The following ADK variants were observed in gnomAD, a reference collection of about 807,000 sequenced individuals.
The protein encoded by ADK is N6,N6-dimethyladenosine kinase.
Under a neutral mutation model 44.7 loss-of-function variants are expected in ADK, and 24 were observed. The ratio of observed to expected loss-of-function variants is 0.54; its 90% confidence interval spans 0.39 to 0.76. The LOEUF (loss-of-function observed/expected upper bound fraction) is 0.76, where lower values mean the gene tolerates loss of function less well. Ranked by LOEUF, ADK falls within the 30% of genes least tolerant of loss-of-function variation. ADK has a pLI of 0.00. For synonymous variants in ADK, 128 were observed against 142.6 expected, an observed-to-expected ratio of 0.90 and a Z score of 0.73; for missense variants, 321 against 425.1, an observed-to-expected ratio of 0.76 and a Z score of 2.15.
intron 6 of ADK, among the ~76,000 whole-genome samples, chr10:74,501,206 A>G (rs1390216250): frequency 6.6e-6 from 1 of 152,214 alleles, no homozygotes; most frequent in East Asian, 1.9e-4. Flanking sequence ...CTGGAGAAAA[A>G]TCACTGTTTT....
intron 7 of ADK, among the ~76,000 whole-genome samples, chr10:74,572,880 T>G (rs1266923031): frequency 6.6e-6 from 1 of 152,198 alleles, no homozygotes; most frequent in African/African-American, 2.4e-5. Flanking sequence ...TTCTCTATAT[T>G]GGTTATTCTA....
chr10:74,625,821 T>C (rs1160085493), intron 9 of ADK, among the ~76,000 whole-genome samples: 1 of 152,158 alleles, frequency 6.6e-6, no homozygotes, highest in Non-Finnish European at 1.5e-5. Flanking sequence ...GGCTAATGAA[T>C]TCAGTCATGG....
chr10:74,277,290 G>A (rs920834963), intron 3 of ADK, among the ~76,000 whole-genome samples: 1 of 152,160 alleles, frequency 6.6e-6, no homozygotes, highest in Non-Finnish European at 1.5e-5. Context: ...GAGCACTTAA[G>A]TCTATACATT....
chr10:74,284,427 G>C (rs1023665440), intron 3 of ADK, among the ~76,000 whole-genome samples: 1 of 152,046 alleles, frequency 6.6e-6, no homozygotes, highest in East Asian at 1.9e-4. Context: ...ACCATGCCCG[G>C]CTAATTTTGT....
At chr10:74,569,604 G>A (rs951140352) in intron 7 of ADK, among the ~76,000 whole-genome samples, 4 of 152,156 alleles carry the variant, frequency 2.6e-5, no homozygotes, top group East Asian at 1.9e-4. Flanking sequence ...CATATCCTTC[G>A]CCCACTTTTT....
chr10:74,675,272 C>T (rs979371649), intron 10 of ADK, among the ~76,000 whole-genome samples: 2 of 152,072 alleles, frequency 1.3e-5, no homozygotes, highest in African/African-American at 4.8e-5. Context: ...GTTCCTTTAG[C>T]CAGCTAAAAA....
rs759278303 is a variant in ADK at position 74,152,814 on chromosome 10, T to G, written c.65+1471T>G. 2.6e-5 allele frequency among the ~76,000 whole-genome samples: 4 copies of G among 152,284 alleles called. No individual in the cohort carries two copies. The East Asian group carries it at 7.7e-4, about 29-fold the overall frequency. On this transcript the variant is annotated intron_variant, in intron 1 of 10. Coordinates refer to ENST00000539909, the MANE Select transcript of ADK (RefSeq NM_006721.4). ...TGAGCATGTTTTCTTATACCTGCAG[T>G]CCTGGTGCTTTGTGAGGCTGTGGTG...
chr10:74,466,688 T>C (rs1367648966), intron 6 of ADK, among the ~76,000 whole-genome samples: 1 of 152,156 alleles, frequency 6.6e-6, no homozygotes, highest in African/African-American at 2.4e-5. Flanking sequence ...TTTTTGAGGT[T>C]GAGTGTAAAG....
At position 74,151,238 on chromosome 10, in the gene ADK, A is replaced by G. The variant is rs563047089; in HGVS notation, c.-41A>G. On this transcript the variant is annotated 5_prime_UTR_variant, in exon 1 of 11. Coordinates refer to ENST00000539909, the MANE Select transcript of ADK (RefSeq NM_006721.4). ...GGGGCGGGACCAGAGAGTGGATGGC[A>G]GAGGTGGGCTGTAGAGCCAAAGTGG... is the stretch of plus-strand genomic sequence containing the variant. The G allele has an allele frequency of 7.7e-4, 1,198 of 1,547,876 alleles. No homozygotes were observed. Among genetic ancestry groups the G allele is most frequent in the Admixed American group, 1.1e-3 (55 of 50,988 alleles).
At chr10:74,328,310 A>G (rs1841088860) in intron 4 of ADK, among the ~76,000 whole-genome samples, 2 of 152,166 alleles carry the variant, frequency 1.3e-5, no homozygotes, top group African/African-American at 2.4e-5. Context: ...TTTATCTTTA[A>G]TCTTCATATT....
At chr10:74,278,776 G>T (rs1020245531) in intron 3 of ADK, among the ~76,000 whole-genome samples, 4 of 152,124 alleles carry the variant, frequency 2.6e-5, no homozygotes, top group Non-Finnish European at 5.9e-5. Context: ...GGCCTCAAGC[G>T]ATCTTCCCGT....
intron 10 of ADK, among the ~76,000 whole-genome samples, chr10:74,699,039 C>T (rs377385971): frequency 9.5e-5 from 14 of 146,746 alleles, no homozygotes; most frequent in Middle Eastern, 3.5e-3. Context: ...TATGTAGAGA[C>T]GAGTCTCCCT....
At chr10:74,338,131 A>G (rs1841470560) in intron 4 of ADK, among the ~76,000 whole-genome samples, 1 of 151,754 alleles carries the variant, frequency 6.6e-6, no homozygotes, top group African/African-American at 2.4e-5. Context: ...AACAACAACA[A>G]CAACAAAAAC....
intron 6 of ADK, among the ~76,000 whole-genome samples, chr10:74,501,446 C>G (rs1847881367): frequency 6.6e-6 from 1 of 152,104 alleles, no homozygotes; most frequent in East Asian, 1.9e-4. Context: ...CAATTAGTTT[C>G]ATTTCTGGCT....
At chr10:74,636,769 T>C (rs1853634518) in intron 9 of ADK, among the ~76,000 whole-genome samples, 1 of 152,182 alleles carries the variant, frequency 6.6e-6, no homozygotes, top group African/African-American at 2.4e-5. Flanking sequence ...GTCTAAGACA[T>C]GCTTTAGATA....
At chr10:74,527,012 A>C (rs1384238910) in intron 7 of ADK, among the ~76,000 whole-genome samples, 1 of 152,218 alleles carries the variant, frequency 6.6e-6, no homozygotes, top group African/African-American at 2.4e-5. Flanking sequence ...GCAGCACTTA[A>C]ATAAGTTCTC....
At chr10:74,693,287 G>C (rs1463759269) in intron 10 of ADK, among the ~76,000 whole-genome samples, 1 of 152,122 alleles carries the variant, frequency 6.6e-6, no homozygotes, top group Non-Finnish European at 1.5e-5. Flanking sequence ...TGTATTTTCT[G>C]CTTCATTGTT....
At chr10:74,637,056 G>A (rs1853643127) in intron 9 of ADK, among the ~76,000 whole-genome samples, 1 of 152,144 alleles carries the variant, frequency 6.6e-6, no homozygotes, top group African/African-American at 2.4e-5. Flanking sequence ...AGACAAGGAT[G>A]ACCTTAATAT....
In ADK at chr10:74,579,569, C is replaced by A. The variant is rs139219163; in HGVS notation, c.727-9713C>A. On this transcript the variant is annotated intron_variant, in intron 7 of 10. Transcript: ENST00000539909. Reference sequence around the variant, plus strand: ...ATGAATGAGGCATCCCTACAATTTCCATAGCATTCTGCCTAGATAGCTTCC... The same window carrying A: ...ATGAATGAGGCATCCCTACAATTTCAATAGCATTCTGCCTAGATAGCTTCC... 1.8e-3 allele frequency among the ~76,000 whole-genome samples: 272 copies of A among 152,280 alleles called. 1 individual carries two copies. The highest frequency in any genetic ancestry group is 6.0e-3 in the African/African-American group (250 of 41,560).
Sources: gnomAD v4.1 joint callset for allele counts (sites outside exome capture counted in the v4.1 genomes callset) on GRCh38, gnomAD v4.1.1 for gene constraint, MANE v1.5 for transcripts, NCBI Gene and HGNC (gene_info 2026-07-23, HGNC 2026-07-21) for gene names.